The following NCKAP5 variants were observed in gnomAD, a reference collection of about 807,000 sequenced individuals.
The protein encoded by NCKAP5 is nck-associated protein 5.
Under a neutral mutation model 167.0 loss-of-function variants are expected in NCKAP5, and 92 were observed. The observed-to-expected ratio is 0.55, with a 90% confidence interval of 0.47 to 0.66. NCKAP5 has a LOEUF of 0.66. Ranked by LOEUF, NCKAP5 falls within the 30% of genes least tolerant of loss-of-function variation. NCKAP5 has a pLI of 0.00. For missense variants in NCKAP5, 2,378 were observed against 2,315.0 expected, an observed-to-expected ratio of 1.03 and a Z score of -0.56; for synonymous variants, 891 against 877.4, an observed-to-expected ratio of 1.02 and a Z score of -0.27.
chr2:133,523,881 T>TGTACCCTGC (rs1684666198), intron 2 of NCKAP5, among the ~76,000 whole-genome samples: 2 of 152,142 alleles, frequency 1.3e-5, no homozygotes, highest in Admixed American at 1.3e-4. Context: ...CTCCATGGGT[T>TGTACCCTGC]TTCACCCTGG....
chr2:132,785,690 A>C lies in NCKAP5; in HGVS notation c.1121T>G (p.Leu374Arg), dbSNP rs1394259845. Residue 374 changes from leucine (L) to arginine (R), a missense_variant, in exon 14 of 20, where the codon CTA (leucine) becomes CGA (arginine). Coordinates refer to ENST00000409261, the MANE Select transcript of NCKAP5 (RefSeq NM_207363.3). ...RQSSQNWDKRLSIDSSLPSGF... is the reference protein window; with the variant it reads ...RQSSQNWDKRRSIDSSLPSGF... ...ACTTGGGAGCGAAGAATCAATACTT[A>C]GCCTTTTATCCCAGTTTTGTGATGA... 1.3e-6 allele frequency: 2 copies of C among 1,502,144 alleles called. No homozygotes were observed. Among genetic ancestry groups the C allele is most frequent in the East Asian group, 4.6e-5 (2 of 43,204 alleles). 93.1% of individuals were successfully genotyped at this position (1,502,144 alleles called of 1,614,324 possible). A position where few individuals can be genotyped will look rare whatever the true frequency, so the allele number is the denominator to read the frequency against.
intron 7 of NCKAP5, among the ~76,000 whole-genome samples, chr2:132,980,146 T>C (rs2077090882): frequency 6.6e-6 from 1 of 151,822 alleles, no homozygotes; most frequent in South Asian, 2.1e-4. Flanking sequence ...TGCACCACTA[T>C]ACCCAGCTAA....
chr2:133,331,519 GAGC>G (rs1682855179), intron 3 of NCKAP5, among the ~76,000 whole-genome samples: 1 of 152,154 alleles, frequency 6.6e-6, no homozygotes, highest in African/African-American at 2.4e-5. Flanking sequence ...TTATGACTGA[GAGC>G]AGCAACGTGT....
intron 11 of NCKAP5, among the ~76,000 whole-genome samples, chr2:132,842,944 T>A (rs1248415081): frequency 2.0e-5 from 3 of 152,206 alleles, no homozygotes; most frequent in African/African-American, 7.2e-5. Flanking sequence ...TGGTTTATAA[T>A]GTCACATTTG....
chr2:133,362,069 A>G (rs1350936219), intron 3 of NCKAP5, among the ~76,000 whole-genome samples: 2 of 152,166 alleles, frequency 1.3e-5, no homozygotes, highest in African/African-American at 4.8e-5. Context: ...AATACTGATG[A>G]CATCTATAGG....
chr2:133,394,568 T>C (rs961054633), intron 3 of NCKAP5, among the ~76,000 whole-genome samples: 2 of 152,346 alleles, frequency 1.3e-5, no homozygotes, highest in Admixed American at 1.3e-4. Context: ...AAGTTTCTTA[T>C]AGCAAAGCTT....
At position 132,990,598 on chromosome 2, in the gene NCKAP5, T is replaced by C. The variant is rs540541088; in HGVS notation, c.429+3554A>G. Among the ~76,000 whole-genome samples the C allele has an allele frequency of 6.6e-5, 10 of 152,234 alleles. No homozygotes were observed. In the South Asian group the frequency reaches 1.9e-3, roughly 28 times the overall value. ...GAGGAAATTATCCTGAATTATCCAGTTGGGCTCCATATCATCACAGGGTCC... is the reference window on the plus strand; with the variant it reads ...GAGGAAATTATCCTGAATTATCCAGCTGGGCTCCATATCATCACAGGGTCC... On this transcript the variant is annotated intron_variant, in intron 7 of 19. Transcript: ENST00000409261.
chr2:133,128,088 A>G (rs1186146364), intron 6 of NCKAP5, among the ~76,000 whole-genome samples: 1 of 152,170 alleles, frequency 6.6e-6, no homozygotes, highest in African/African-American at 2.4e-5. Context: ...TGGAGGCTCA[A>G]CTGTGTTTGT....
intron 6 of NCKAP5, among the ~76,000 whole-genome samples, chr2:133,052,263 A>G (rs1018296734): frequency 1.3e-5 from 2 of 152,220 alleles, no homozygotes; most frequent in African/African-American, 4.8e-5. Context: ...TCATCACGTA[A>G]CAGAACTCAT....
At chr2:133,482,903 G>A (rs1245328876) in intron 3 of NCKAP5, among the ~76,000 whole-genome samples, 3 of 151,980 alleles carry the variant, frequency 2.0e-5, no homozygotes, top group Admixed American at 1.3e-4. Context: ...GACCACTCCT[G>A]TGATACAGTT....
At chr2:132,878,937 A>C in intron 8 of NCKAP5, 21 bp from the exon 9 acceptor site, 1 of 1,586,130 alleles carries the variant, frequency 6.3e-7, no homozygotes, top group Non-Finnish European at 8.7e-7. Context: ...ATACAAAAAT[A>C]ACACAAATAA....
chr2:132,968,907 G>C (rs1212379955), intron 7 of NCKAP5, among the ~76,000 whole-genome samples: 2 of 152,108 alleles, frequency 1.3e-5, no homozygotes, highest in Non-Finnish European at 2.9e-5. Flanking sequence ...AAAGAAGAGG[G>C]AGCACCAGAG....
chr2:133,621,068 A>G, the NCKAP5 span, among the ~76,000 whole-genome samples: 2 of 152,172 alleles, frequency 1.3e-5, no homozygotes, highest in African/African-American at 4.8e-5. Context: ...ATTTCTTTGA[A>G]TTGAACGATA....
At chr2:133,534,706 G>T (rs1279507989) in intron 2 of NCKAP5, among the ~76,000 whole-genome samples, 1 of 152,080 alleles carries the variant, frequency 6.6e-6, no homozygotes, top group African/African-American at 2.4e-5. Flanking sequence ...TATTATATGG[G>T]TATACCATAT....
At chr2:132,852,070 T>G (rs1198875039) in intron 11 of NCKAP5, among the ~76,000 whole-genome samples, 2 of 152,188 alleles carry the variant, frequency 1.3e-5, no homozygotes, top group Non-Finnish European at 2.9e-5. Flanking sequence ...CACCATTCCT[T>G]TCTCAGTACT....
intron 5 of NCKAP5, among the ~76,000 whole-genome samples, chr2:133,131,568 T>C (rs2082603348): frequency 6.6e-6 from 1 of 152,236 alleles, no homozygotes; most frequent in Non-Finnish European, 1.5e-5. Context: ...TGTTTATTGA[T>C]TCTGAAGCTG....
At position 132,869,735 on chromosome 2, in the gene NCKAP5, G is replaced by A. The variant is rs539848076; in HGVS notation, c.649-761C>T. Among the ~76,000 whole-genome samples the A allele has an allele frequency of 7.9e-5, 12 of 152,204 alleles. No homozygotes were observed. The East Asian group carries it at 1.2e-3, about 15-fold the overall frequency. On this transcript the variant is annotated intron_variant, in intron 9 of 19. Coordinates refer to ENST00000409261, the MANE Select transcript of NCKAP5 (RefSeq NM_207363.3). ...CAAAGAAGAAGGGGGCTCACCCTTC[G>A]TCTTCCTGACTAGAAATGGAAGTAC... is the stretch of plus-strand genomic sequence containing the variant.
At chr2:133,604,536 G>T in the NCKAP5 span, among the ~76,000 whole-genome samples, 1 of 151,996 alleles carries the variant, frequency 6.6e-6, no homozygotes, top group Non-Finnish European at 1.5e-5. Flanking sequence ...TAGGACACGT[G>T]GGGGGAATTC....
chr2:132,980,463 C>T (rs2077101952), intron 7 of NCKAP5, among the ~76,000 whole-genome samples: 1 of 152,052 alleles, frequency 6.6e-6, no homozygotes, highest in Non-Finnish European at 1.5e-5. Flanking sequence ...AAGGCACAGC[C>T]AAATTTGAGA....
Sources: allele counts gnomAD v4.1 joint callset (sites outside exome capture counted in the v4.1 genomes callset), GRCh38; gene constraint gnomAD v4.1.1; transcripts MANE v1.5; gene names NCBI Gene and HGNC (gene_info 2026-07-23, HGNC 2026-07-21).